The following SBF2 variants were observed in gnomAD, a reference collection of about 807,000 sequenced individuals.
SBF2 encodes myotubularin-related protein 13.
In SBF2, 112 loss-of-function variants were observed where a neutral mutation model predicts 225.2. The observed-to-expected ratio is 0.50, with a 90% CI of 0.43 to 0.58. The LOEUF is 0.58. Ranked by LOEUF, SBF2 falls within the 20% of genes least tolerant of loss-of-function variation. The probability of loss-of-function intolerance (pLI) is 0.00; values close to 1 mark genes in which losing one functional copy is unlikely to be tolerated. For missense variants in SBF2, 1,996 were observed against 2,206.2 expected (o/e 0.90, Z 1.91); for synonymous variants, 763 against 773.3 (o/e 0.99, Z 0.22).
chr11:10,047,381 T>C (rs1172769340), intron 2 of SBF2, among the ~76,000 whole-genome samples: 5 of 152,104 alleles, frequency 3.3e-5, no homozygotes, highest in East Asian at 3.9e-4. Context: ...CAGGAAGCTA[T>C]AGTAGACAAG....
At chr11:10,168,222 C>T (rs1956052193) in intron 2 of SBF2, among the ~76,000 whole-genome samples, 1 of 152,134 alleles carries the variant, frequency 6.6e-6, no homozygotes, top group African/African-American at 2.4e-5. Flanking sequence ...ATCTCAGTTC[C>T]TGGCACATAA....
At chr11:9,993,624 C>T (rs1305632691) in intron 10 of SBF2, among the ~76,000 whole-genome samples, 1 of 152,184 alleles carries the variant, frequency 6.6e-6, no homozygotes, top group Non-Finnish European at 1.5e-5. Flanking sequence ...CAATTTGATG[C>T]TTGGCACAGT....
intron 32 of SBF2, among the ~76,000 whole-genome samples, chr11:9,800,099 G>A (rs868067081): frequency 3.3e-5 from 5 of 152,044 alleles, no homozygotes; most frequent in Admixed American, 3.3e-4. Context: ...TTAGCTGGGC[G>A]TGGTTGTGCA....
Position 9,905,637 on chromosome 11 carries a change from T to C in SBF2, c.1861-9626A>G, listed in dbSNP as rs558000482. Among the ~76,000 whole-genome samples, 7 of 152,324 alleles carry C rather than the reference T, an allele frequency of 4.6e-5. No individual in the cohort carries two copies. The East Asian group carries it at 1.2e-3, about 25-fold the overall frequency. On this transcript the variant is annotated intron_variant, in intron 16 of 39. Transcript: ENST00000256190. ...TTAAATTAGAGGACAATGATGTTCT[T>C]TTATGATGTCTCTGTGGGGACCTTT...
At chr11:9,974,887 G>A (rs1590654093) in intron 13 of SBF2, among the ~76,000 whole-genome samples, 1 of 143,934 alleles carries the variant, frequency 6.9e-6, no homozygotes, top group Middle Eastern at 3.6e-3. Context: ...TTGAACCCAG[G>A]AGGCAGAGGT....
intron 3 of SBF2, among the ~76,000 whole-genome samples, chr11:10,034,847 T>C (rs937569722): frequency 1.3e-5 from 2 of 152,204 alleles, no homozygotes; most frequent in African/African-American, 2.4e-5. Flanking sequence ...ATTCTGTAAG[T>C]TCTAAAATTC....
chr11:10,270,441 A>G (rs1023594035), intron 1 of SBF2, among the ~76,000 whole-genome samples: 1 of 152,232 alleles, frequency 6.6e-6, no homozygotes, highest in African/African-American at 2.4e-5. Context: ...TATTAAGTGG[A>G]AGCAGATCAT....
chr11:10,111,259 CAG>C (rs1952824596), intron 2 of SBF2, among the ~76,000 whole-genome samples: 1 of 146,296 alleles, frequency 6.8e-6, no homozygotes, highest in South Asian at 2.1e-4. Flanking sequence ...TCTAAACAAA[CAG>C]AAGAAAATTT....
intron 2 of SBF2, among the ~76,000 whole-genome samples, chr11:10,170,178 T>C (rs1956129235): frequency 6.6e-6 from 1 of 152,194 alleles, no homozygotes; most frequent in African/African-American, 2.4e-5. Context: ...TGTCTGTGCT[T>C]ATGGGGTATT....
chr11:10,291,620 T>C (rs1017688874), intron 1 of SBF2, among the ~76,000 whole-genome samples: 1 of 151,100 alleles, frequency 6.6e-6, no homozygotes. Flanking sequence ...TTTTTCCGAA[T>C]AGACTAAGGC....
chr11:9,994,023 T>C (rs555196381), intron 9 of SBF2, 25 bp from the exon 10 acceptor site: 2 of 1,163,658 alleles, frequency 1.7e-6, no homozygotes, highest in Admixed American at 3.4e-5. Flanking sequence ...TTTTGTTATG[T>C]AAAATATCAT....
At chr11:10,167,241 A>C (rs1955998944) in intron 2 of SBF2, among the ~76,000 whole-genome samples, 1 of 152,208 alleles carries the variant, frequency 6.6e-6, no homozygotes, top group Non-Finnish European at 1.5e-5. Flanking sequence ...CCGTTAATGA[A>C]CTTCACATAA....
intron 2 of SBF2, among the ~76,000 whole-genome samples, chr11:10,092,803 G>C (rs1951836116): frequency 6.6e-6 from 1 of 152,104 alleles, no homozygotes; most frequent in South Asian, 2.1e-4. Flanking sequence ...CAAAGTGAGA[G>C]AGAAAGAACA....
intron 2 of SBF2, among the ~76,000 whole-genome samples, chr11:10,101,971 T>A (rs778647949): frequency 1.6e-4 from 24 of 152,162 alleles, no homozygotes; most frequent in Non-Finnish European, 3.2e-4. Flanking sequence ...TCTTGTTTTA[T>A]GTCCTTAAGA....
intron 24 of SBF2, among the ~76,000 whole-genome samples, chr11:9,845,236 G>A (rs1856454679): frequency 6.6e-6 from 1 of 152,190 alleles, no homozygotes; most frequent in African/African-American, 2.4e-5. Context: ...ACTGGGCCTG[G>A]ATATTAATAA....
At chr11:10,237,825 T>C (rs1202763684) in intron 1 of SBF2, among the ~76,000 whole-genome samples, 1 of 152,180 alleles carries the variant, frequency 6.6e-6, no homozygotes, top group Non-Finnish European at 1.5e-5. Context: ...TCTGTCACTA[T>C]AGATTGGTTT....
At chr11:9,786,520 T>C (rs1275352022) in intron 36 of SBF2, among the ~76,000 whole-genome samples, 2 of 152,168 alleles carry the variant, frequency 1.3e-5, no homozygotes, top group Non-Finnish European at 2.9e-5. Context: ...AGATGTTCTT[T>C]TTTTACCACA....
At chr11:9,781,438 C>T in intron 39 of SBF2, 69 bp downstream of exon 39, 5 of 1,602,506 alleles carry the variant, frequency 3.1e-6, no homozygotes, top group African/African-American at 1.3e-5. Flanking sequence ...CTGAGGGCTC[C>T]ATCATTCTTG....
rs554130207 is a variant in SBF2, at chr11:10,133,620, C to T, written c.141+60282G>A. ...CCGAGTGCGGGGCCCACCAAGCCCA[C>T]GCCCACCCGGAACTCCAGCTGGCCC... is the stretch of plus-strand genomic sequence containing the variant. On this transcript the variant is annotated intron_variant, in intron 2 of 39. Coordinates refer to ENST00000256190, the MANE Select transcript of SBF2 (RefSeq NM_030962.4). Among the ~76,000 whole-genome samples, 8 of 145,214 alleles carry T rather than the reference C, an allele frequency of 5.5e-5. 1 individual carries two copies. Among genetic ancestry groups the T allele is most frequent in the African/African-American group, 1.5e-4 (6 of 40,412 alleles).
Sources: gnomAD v4.1 joint callset for allele counts (sites outside exome capture counted in the v4.1 genomes callset) on GRCh38, gnomAD v4.1.1 for gene constraint, MANE v1.5 for transcripts, NCBI Gene and HGNC (gene_info 2026-07-23, HGNC 2026-07-21) for gene names.